CCNJ: variants seen among roughly 807,000 people sequenced by gnomAD.
The protein encoded by CCNJ is cyclin-J.
A neutral mutation model predicts 41.4 loss-of-function variants in CCNJ; 12 were observed. The observed-to-expected ratio is 0.29, with a 90% confidence interval of 0.19 to 0.47. The LOEUF (loss-of-function observed/expected upper bound fraction) is 0.47, where lower values mean the gene tolerates loss of function less well. CCNJ is among the 20% of genes least tolerant of loss of function. CCNJ has a pLI of 1.00. For missense variants in CCNJ, 340 were observed against 464.6 expected (o/e 0.73, Z 2.47); for synonymous variants, 161 against 173.4 (o/e 0.93, Z 0.56).
chr10:96,046,553 C>T (rs72823712), intron 2 of CCNJ, among the ~76,000 whole-genome samples: 4 of 152,252 alleles, frequency 2.6e-5, no homozygotes, highest in Non-Finnish European at 5.9e-5. Context: ...TAACAGTGAA[C>T]GAGACATGAT....
rs1282989507 is a variant in CCNJ, at chr10:96,044,430, G to A, written c.37G>A (p.Ala13Thr). ...LEGQWWRGQLAADIHQALRYK... is the reference protein window; with the variant it reads ...LEGQWWRGQLTADIHQALRYK... ...GGGGCAGTGGTGGCGAGGACAGCTG[G>A]CCGCCGATATTCACCAAGCGCTTCG... The change falls in exon 2 of 6, where the codon GCC (alanine) becomes ACC (threonine). Residue 13 changes from alanine to threonine, a missense_variant. By Grantham distance (58) the Ala-to-Thr change is moderately conservative (BLOSUM62 0). This residue lies in a region of CCNJ where 44 missense variants were observed against 43.6 expected (regional missense o/e 1.01). Transcript: ENST00000465148. 1 of 1,562,502 alleles carries A rather than the reference G, an allele frequency of 6.4e-7. No individual in the cohort carries two copies.
chr10:96,047,256 C>T (rs1331751810), intron 2 of CCNJ, among the ~76,000 whole-genome samples: 2 of 152,072 alleles, frequency 1.3e-5, no homozygotes, highest in East Asian at 1.9e-4. Flanking sequence ...TTGCAACTCA[C>T]TTACACCATT....
chr10:96,049,853 T>C (rs1379633122), intron 2 of CCNJ, among the ~76,000 whole-genome samples: 1 of 152,164 alleles, frequency 6.6e-6, no homozygotes. Context: ...TATCCACTTA[T>C]CTATTACCTT....
At chr10:96,052,040 A>C (rs2080541002) in intron 3 of CCNJ, among the ~76,000 whole-genome samples, 1 of 152,142 alleles carries the variant, frequency 6.6e-6, no homozygotes, top group African/African-American at 2.4e-5. Flanking sequence ...GAATATCTAC[A>C]TTTCCCCTTA....
chr10:96,044,114 C>A (rs1047674153), intron 1 of CCNJ, among the ~76,000 whole-genome samples: 1 of 152,222 alleles, frequency 6.6e-6, no homozygotes, highest in Non-Finnish European at 1.5e-5. Context: ...CGAGTGGATC[C>A]CCTTTTGCCC....
intron 3 of CCNJ, among the ~76,000 whole-genome samples, chr10:96,051,082 A>ATAT (rs1350926529): frequency 6.6e-6 from 1 of 152,258 alleles, no homozygotes; most frequent in Non-Finnish European, 1.5e-5. Context: ...TGACTAAATA[A>ATAT]TGAGTTGGCT....
Position 96,058,589 on chromosome 10 carries a change from T to G in CCNJ, c.*348T>G, listed in dbSNP as rs568389771. On this transcript the variant is annotated 3_prime_UTR_variant, in exon 6 of 6. Transcript: ENST00000465148. Reference sequence around the variant, plus strand: ...CCTGTGGTAGCATCTGGGCCTAATGTTGGCTTCTAAGTCAAAGACTAAATG... The same window carrying G: ...CCTGTGGTAGCATCTGGGCCTAATGGTGGCTTCTAAGTCAAAGACTAAATG... 1 of 419,068 alleles carries G rather than the reference T, an allele frequency of 2.4e-6. No homozygotes were observed. The highest frequency in any genetic ancestry group is 9.8e-5 in the South Asian group (1 of 10,236). 26.0% of individuals were successfully genotyped at this position (419,068 alleles called of 1,614,324 possible). A position where few individuals can be genotyped will look rare whatever the true frequency, so the allele number is the denominator to read the frequency against.
At position 96,058,628 on chromosome 10, in the gene CCNJ, T is replaced by C. The variant is rs2080755920; in HGVS notation, c.*387T>C. 1.2e-5 allele frequency: 5 copies of C among 405,636 alleles called. No individual in the cohort carries two copies. The East Asian group carries it at 1.4e-4, about 11-fold the overall frequency. The allele number at this position is 405,636 out of a possible 1,614,324, so 25.1% of individuals were successfully genotyped here. On this transcript the variant is annotated 3_prime_UTR_variant, in exon 6 of 6. Transcript: ENST00000465148. ...AAAGACTAAATGTTTATCTCATCTA[T>C]GGACTTGCCAAACAGTCTTTTATGA... is the stretch of plus-strand genomic sequence containing the variant.
intron 2 of CCNJ, among the ~76,000 whole-genome samples, chr10:96,048,388 T>G (rs2080423368): frequency 1.3e-5 from 2 of 152,322 alleles, no homozygotes; most frequent in East Asian, 3.9e-4. Flanking sequence ...TGAACTAATT[T>G]ACACTCCCAC....
rs550971702 is a variant in CCNJ at position 96,051,976 on chromosome 10, C to T, written c.280+1510C>T. Among the ~76,000 whole-genome samples, 11 of 152,246 alleles carry T rather than the reference C, an allele frequency of 7.2e-5. No homozygotes were observed. The East Asian group carries it at 2.1e-3, about 29-fold the overall frequency. Reference sequence around the variant, plus strand: ...TTTCATCTGGACCCAGCCACCTTTCCAGTCTCATCCCCATGTACGTTGAGC... The same window carrying T: ...TTTCATCTGGACCCAGCCACCTTTCTAGTCTCATCCCCATGTACGTTGAGC... On this transcript the variant is annotated intron_variant, in intron 3 of 5. Coordinates refer to ENST00000465148, the MANE Select transcript of CCNJ (RefSeq NM_001134375.2).
At chr10:96,043,758 CTGGGGTAGGCG>C (rs2080277629) in intron 1 of CCNJ, 39 bp downstream of exon 1, 1 of 387,742 alleles carries the variant, frequency 2.6e-6, no homozygotes, top group African/African-American at 2.1e-5. Context: ...CCCGGCAGGC[CTGGGGTAGGCG>C]TGGGGCAGCG....
At chr10:96,056,015 A>G (rs916600824) in intron 3 of CCNJ, among the ~76,000 whole-genome samples, 1 of 152,244 alleles carries the variant, frequency 6.6e-6, no homozygotes, top group African/African-American at 2.4e-5. Context: ...TGTTAAAACT[A>G]TCTTCTCCTC....
chr10:96,049,310 TCCAG>T (rs1250712492), intron 2 of CCNJ, among the ~76,000 whole-genome samples: 14 of 152,156 alleles, frequency 9.2e-5, no homozygotes, highest in Non-Finnish European at 2.1e-4. Context: ...TTGGTTGTTA[TCCAG>T]TTGTATAAGT....
At chr10:96,043,311 C>T (rs1289926554), upstream of CCNJ, 2 of 305,964 alleles carry the variant, frequency 6.5e-6, no homozygotes, top group Non-Finnish European at 1.2e-5. Flanking sequence ...CGACCTCAGC[C>T]GGCGATCAGG....
Position 96,058,736 on chromosome 10 carries a change from TA to T in CCNJ, c.*497del, listed in dbSNP as rs1202104173. On this transcript the variant is annotated 3_prime_UTR_variant, in exon 6 of 6. Transcript: ENST00000465148. The stretch of plus-strand genomic sequence containing the variant: ...TTTGTTCTACACATGAATTTTTGAC[TA>T]AGTTTAAACTCATGAATTGTTATGC... 1 of 376,604 alleles carries T rather than the reference TA, an allele frequency of 2.7e-6. No homozygotes were observed. Among genetic ancestry groups the T allele is most frequent in the Non-Finnish European group, 4.7e-6 (1 of 212,926 alleles). The allele number at this position is 376,604 out of a possible 1,614,324, so 23.3% of individuals were successfully genotyped here. A position where few individuals can be genotyped will look rare whatever the true frequency, so the allele number is the denominator to read the frequency against.
intron 2 of CCNJ, 73 bp from the exon 3 acceptor site, chr10:96,050,183 C>A: frequency 1.0e-6 from 1 of 996,912 alleles, no homozygotes; most frequent in Non-Finnish European, 1.6e-6. Flanking sequence ...ATTGGAAAAA[C>A]AATGTTAAGT....
At position 96,059,112 on chromosome 10, in the gene CCNJ, C is replaced by A. The variant is rs2080766726; in HGVS notation, c.*871C>A. 1 of 152,534 alleles carries A rather than the reference C, an allele frequency of 6.6e-6. No individual in the cohort carries two copies. Among genetic ancestry groups the A allele is most frequent in the Admixed American group, 6.5e-5 (1 of 15,270 alleles). The allele number at this position is 152,534 out of a possible 1,614,324, so 9.4% of individuals were successfully genotyped here. A position where few individuals can be genotyped will look rare whatever the true frequency, so the allele number is the denominator to read the frequency against. ...TATAGCTCAGAATGAAGTGGTAGTT[C>A]CTGTGATTCATAATACATATGTAGG... On this transcript the variant is annotated 3_prime_UTR_variant, in exon 6 of 6. Coordinates refer to ENST00000465148, the MANE Select transcript of CCNJ (RefSeq NM_001134375.2).
At chr10:96,050,215 C>T (rs1472306990) in intron 2 of CCNJ, 41 bp from the exon 3 acceptor site, 5 of 1,358,366 alleles carry the variant, frequency 3.7e-6, no homozygotes, top group Non-Finnish European at 5.3e-6. Context: ...GGGGATACGC[C>T]TACAGATAGG....
intron 2 of CCNJ, among the ~76,000 whole-genome samples, chr10:96,046,957 G>C (rs985698012): frequency 6.6e-6 from 1 of 152,138 alleles, no homozygotes; most frequent in African/African-American, 2.4e-5. Context: ...GTGTTTTCCA[G>C]GTGTTTCCAG....
Sources: allele counts gnomAD v4.1 joint callset (sites outside exome capture counted in the v4.1 genomes callset), GRCh38; gene constraint gnomAD v4.1.1; regional missense constraint gnomAD v4.1.1; transcripts MANE v1.5; gene names NCBI Gene and HGNC (gene_info 2026-07-23, HGNC 2026-07-21).